The following UGT1A10 variants were observed in gnomAD, a reference collection of about 807,000 sequenced individuals.
UGT1A10 encodes UDP-glucuronosyltransferase 1A10.
Under a neutral mutation model 45.8 loss-of-function variants are expected in UGT1A10, and 49 were observed. The observed-to-expected ratio is 1.07, with a 90% CI of 0.85 to 1.36. The LOEUF (loss-of-function observed/expected upper bound fraction) is 1.36, where lower values mean the gene tolerates loss of function less well. UGT1A10 is among the 40% of genes most tolerant of loss of function. The pLI is 0.00. For missense variants in UGT1A10, 745 were observed against 668.6 expected, an observed-to-expected ratio of 1.11 and a Z score of -1.26; for synonymous variants, 284 against 249.7, an observed-to-expected ratio of 1.14 and a Z score of -1.29.
intron 1 of UGT1A10, among the ~76,000 whole-genome samples, chr2:233,642,107 C>T (rs2073468525): frequency 6.6e-6 from 1 of 152,152 alleles, no homozygotes; most frequent in South Asian, 2.1e-4. Context: ...ACTCCTATCT[C>T]TTTCTCTACC....
chr2:233,648,701 T>A, intron 1 of UGT1A10: 1 of 400,418 alleles, frequency 2.5e-6, no homozygotes, highest in Non-Finnish European at 4.7e-6. Flanking sequence ...CCTAACCTCG[T>A]GATCCGCCCG....
intron 1 of UGT1A10, among the ~76,000 whole-genome samples, chr2:233,642,727 G>A (rs1312362571): frequency 6.6e-6 from 1 of 152,128 alleles, no homozygotes; most frequent in African/African-American, 2.4e-5. Flanking sequence ...TGCTTTAGGG[G>A]GCACCCCAAG....
intron 1 of UGT1A10, among the ~76,000 whole-genome samples, chr2:233,640,435 C>T (rs1022400523): frequency 6.6e-6 from 1 of 152,012 alleles, no homozygotes; most frequent in South Asian, 2.1e-4. Context: ...GCCACAATAT[C>T]GTTATCACAC....
intron 1 of UGT1A10, chr2:233,756,286 A>G (rs1696165566): frequency 6.6e-6 from 1 of 152,218 alleles, no homozygotes; most frequent in African/African-American, 2.4e-5. Flanking sequence ...ATAAAATGAC[A>G]CAGTATTTGT....
At chr2:233,709,792 A>G (rs1262509274) in intron 1 of UGT1A10, among the ~76,000 whole-genome samples, 14 of 152,212 alleles carry the variant, frequency 9.2e-5, no homozygotes, top group Admixed American at 3.9e-4. Flanking sequence ...CACCGTTTTA[A>G]TGATACATTT....
At chr2:233,743,592 G>T (rs370692834) in intron 1 of UGT1A10, 2 of 1,367,196 alleles carry the variant, frequency 1.5e-6, no homozygotes, top group Non-Finnish European at 2.0e-6. Context: ...AAGGAGAATG[G>T]GTCCTGGCCG....
At chr2:233,681,068 A>T (rs1433688062) in intron 1 of UGT1A10, among the ~76,000 whole-genome samples, 2 of 151,826 alleles carry the variant, frequency 1.3e-5, no homozygotes, top group African/African-American at 2.4e-5. Flanking sequence ...CACCTGTGTC[A>T]CAATTGTGGC....
At chr2:233,701,416 T>G (rs2125586525) in intron 1 of UGT1A10, among the ~76,000 whole-genome samples, 1 of 152,190 alleles carries the variant, frequency 6.6e-6, no homozygotes, top group African/African-American at 2.4e-5. Flanking sequence ...CACCCCACTG[T>G]CAACATTAGA....
At chr2:233,713,464 C>T (rs12475068) in intron 1 of UGT1A10, 36 of 1,613,900 alleles carry the variant, frequency 2.2e-5, no homozygotes, top group Admixed American at 8.3e-5. Context: ...CACCTCTGCG[C>T]GGCGGTGCTG....
intron 1 of UGT1A10, chr2:233,672,537 G>T: frequency 1.2e-6 from 2 of 1,613,914 alleles, no homozygotes; most frequent in Non-Finnish European, 1.7e-6. Flanking sequence ...CAGATGCCAT[G>T]ACTTTCAAGG....
chr2:233,668,717 A>G (rs911556966), intron 1 of UGT1A10, among the ~76,000 whole-genome samples: 1 of 152,170 alleles, frequency 6.6e-6, no homozygotes, highest in African/African-American at 2.4e-5. Flanking sequence ...TCTAGCACCT[A>G]TGTACATTTA....
At chr2:233,749,145 C>G (rs1694125909) in intron 1 of UGT1A10, among the ~76,000 whole-genome samples, 1 of 151,818 alleles carries the variant, frequency 6.6e-6, no homozygotes, top group Non-Finnish European at 1.5e-5. Context: ...TATGAACTTC[C>G]ATGACTTGAT....
At chr2:233,732,936 C>G (rs2078338075) in intron 1 of UGT1A10, among the ~76,000 whole-genome samples, 1 of 152,082 alleles carries the variant, frequency 6.6e-6, no homozygotes, top group African/African-American at 2.4e-5. Flanking sequence ...TTCTTCCTAT[C>G]CATGAGCATG....
At chr2:233,721,865 G>T in intron 1 of UGT1A10, 1 of 504,992 alleles carries the variant, frequency 2.0e-6, no homozygotes, top group South Asian at 1.4e-5. Context: ...TCGGCCCTGG[G>T]CACACTTGCC....
Position 233,743,916 on chromosome 2 carries a change from T to C in UGT1A10, c.856-23118T>C, listed in dbSNP as rs774957959. On this transcript the variant is annotated intron_variant, in intron 1 of 4. Transcript: ENST00000344644. Reference sequence around the variant, plus strand: ...TCCAGCACCTCGTAGTAGTCCACCATGCTGGATGGCCAGAACGGCCCACCA... The same window carrying C: ...TCCAGCACCTCGTAGTAGTCCACCACGCTGGATGGCCAGAACGGCCCACCA... 1.8e-5 allele frequency: 25 copies of C among 1,364,598 alleles called. 1 individual carries two copies. Among genetic ancestry groups the C allele is most frequent in the South Asian group, 1.5e-4 (13 of 87,900 alleles). 84.5% of individuals were successfully genotyped at this position (1,364,598 alleles called of 1,614,324 possible). A position where few individuals can be genotyped will look rare whatever the true frequency, so the allele number is the denominator to read the frequency against.
At chr2:233,713,461 G>A in intron 1 of UGT1A10, 7 of 1,614,080 alleles carry the variant, frequency 4.3e-6, no homozygotes, top group Non-Finnish European at 5.9e-6. Flanking sequence ...TTTCACCTCT[G>A]CGCGGCGGTG....
In UGT1A10 at chr2:233,636,762, G is replaced by A. The variant is rs201300142; in HGVS notation, c.240G>A (p.Ser80=). ...LNCTVKTYST[S]YTLEDQNREF... Reference sequence around the variant, plus strand: ...GCACAGTGAAGACTTACTCAACCTCGTACACTCTGGAAGATCAGAACCGGG... The same window carrying A: ...GCACAGTGAAGACTTACTCAACCTCATACACTCTGGAAGATCAGAACCGGG... Residue 80 remains serine, a synonymous_variant, in exon 1 of 5, where the codon TCG becomes TCA. Transcript: ENST00000344644. 3.6e-5 allele frequency: 58 copies of A among 1,614,008 alleles called. No individual in the cohort carries two copies. In the Middle Eastern group the frequency reaches 6.6e-4, roughly 18 times the overall value.
chr2:233,699,892 C>T (rs566030513), intron 1 of UGT1A10, among the ~76,000 whole-genome samples: 3 of 152,224 alleles, frequency 2.0e-5, no homozygotes, highest in South Asian at 2.1e-4. Flanking sequence ...ATTGGAGAGG[C>T]GAAATAGTCA....
Position 233,768,377 on chromosome 2 carries a change from T to A in UGT1A10, c.1233T>A (p.Asn411Lys), listed in dbSNP as rs763012065. The change falls in exon 4 of 5, where the codon AAT (asparagine) becomes AAA (lysine). Residue 411 changes from asparagine (N) to lysine (K), a missense_variant. Asn to Lys is a moderately conservative substitution (Grantham distance 94). Transcript: ENST00000344644. The part of the protein sequence containing the change: ...METKGAGVTL[N>K]VLEMTSEDLE... ...CTAAGGGAGCTGGAGTGACCCTGAA[T>A]GTTCTGGAAATGACTTCTGAAGATT... 1 of 1,614,172 alleles carries A rather than the reference T, an allele frequency of 6.2e-7. No individual in the cohort carries two copies. The highest frequency in any genetic ancestry group is 8.5e-7 in the Non-Finnish European group (1 of 1,180,050).
Sources: allele counts gnomAD v4.1 joint callset (sites outside exome capture counted in the v4.1 genomes callset), GRCh38; gene constraint gnomAD v4.1.1; transcripts MANE v1.5; gene names NCBI Gene and HGNC (gene_info 2026-07-23, HGNC 2026-07-21).